The following ERAP2 variants were observed in gnomAD, a reference collection of about 807,000 sequenced individuals.
ERAP2 encodes leukocyte-derived arginine aminopeptidase.
ERAP2 carries 118 observed loss-of-function variants against 111.1 expected under a neutral mutation model. That is an observed-to-expected ratio of 1.06 (90% confidence interval 0.92 to 1.24). ERAP2 has a LOEUF of 1.24. Among genes scored for constraint, ERAP2 ranks in the 50% most tolerant of loss-of-function variants. ERAP2 has a pLI of 0.00. For missense variants in ERAP2, 1,131 were observed against 1,125.8 expected (o/e 1.00, Z -0.07); for synonymous variants, 410 against 401.2 (o/e 1.02, Z -0.26).
At chr5:96,888,747 G>C (rs970125724) in intron 4 of ERAP2, among the ~76,000 whole-genome samples, 4 of 152,184 alleles carry the variant, frequency 2.6e-5, no homozygotes, top group African/African-American at 9.7e-5. Context: ...GCTTGACAGA[G>C]GGCGGATCCA....
At chr5:96,901,731 G>A (rs1016915267) in intron 11 of ERAP2, 50 bp downstream of exon 11, 28 of 1,569,020 alleles carry the variant, frequency 1.8e-5, no homozygotes, top group East Asian at 4.6e-5. Flanking sequence ...CAGTTTCCTC[G>A]TTATTTCCTT....
chr5:96,912,413 T>C (rs902526550), intron 15 of ERAP2, among the ~76,000 whole-genome samples: 2 of 152,148 alleles, frequency 1.3e-5, no homozygotes, highest in Admixed American at 6.5e-5. Flanking sequence ...TTTATGCTTA[T>C]TTTCTTGCTA....
intron 15 of ERAP2, 87 bp from the exon 16 acceptor site, chr5:96,912,550 T>G (rs17487132): frequency 0.049 from 43,744 of 889,100 alleles, 1,313 homozygotes; most frequent in Middle Eastern, 0.096. Context: ...GTTCAGAGAT[T>G]ATTGTGTTAT....
chr5:96,898,565 T>C (rs143364924), intron 9 of ERAP2, among the ~76,000 whole-genome samples: 2,946 of 46,584 alleles, frequency 0.063, 46 homozygotes, highest in Middle Eastern at 0.21. Context: ...CCATCTCTAC[T>C]AAAATACAAA....
At chr5:96,916,764 T>A (rs1301587752) in intron 18 of ERAP2, among the ~76,000 whole-genome samples, 1 of 100,004 alleles carries the variant, frequency 1.0e-5, no homozygotes, top group Non-Finnish European at 2.2e-5. Context: ...CACCAGCCTA[T>A]CTTTTTTTTT....
At chr5:96,891,412 C>T (rs1226178226) in intron 5 of ERAP2, among the ~76,000 whole-genome samples, 4 of 147,792 alleles carry the variant, frequency 2.7e-5, no homozygotes, top group Non-Finnish European at 4.5e-5. Flanking sequence ...CACACATATA[C>T]ATATACACAC....
intron 13 of ERAP2, among the ~76,000 whole-genome samples, chr5:96,906,221 C>G (rs1258331567): frequency 1.3e-5 from 2 of 151,762 alleles, no homozygotes; most frequent in Non-Finnish European, 2.9e-5. Context: ...CCTCCTCTTC[C>G]TTCTCCTCCT....
intron 9 of ERAP2, among the ~76,000 whole-genome samples, chr5:96,897,813 AC>A (rs1202537299): frequency 6.6e-6 from 1 of 152,232 alleles, no homozygotes; most frequent in East Asian, 1.9e-4. Flanking sequence ...GTCATTGTAG[AC>A]AGAAGAGATC....
chr5:96,906,240 T>C (rs115481928), intron 13 of ERAP2, among the ~76,000 whole-genome samples: 2,333 of 151,734 alleles, frequency 0.015, 61 homozygotes, highest in African/African-American at 0.054. Context: ...CTCCTCTTCC[T>C]CTTCCTCTTC....
chr5:96,896,965 T>TAAGTCATCTG, intron 9 of ERAP2, 102 bp downstream of exon 9: 1 of 987,684 alleles, frequency 1.0e-6, no homozygotes. Context: ...GTCAACCATA[T>TAAGTCATCTG]TTATTCTGCT....
intron 3 of ERAP2, 145 bp downstream of exon 3, chr5:96,884,075 T>TATC (rs984535232): frequency 3.3e-6 from 2 of 601,350 alleles, no homozygotes; most frequent in African/African-American, 4.1e-5. Context: ...TCTATCTATC[T>TATC]ATCTATCATC....
chr5:96,896,037 GT>G (rs1332684020), intron 7 of ERAP2, among the ~76,000 whole-genome samples: 1 of 152,152 alleles, frequency 6.6e-6, no homozygotes, highest in Admixed American at 6.5e-5. Flanking sequence ...CCTTGCAGAG[GT>G]GTTGACAGGA....
At chr5:96,895,464 G>A in intron 7 of ERAP2, 105 bp downstream of exon 7, 6 of 819,974 alleles carry the variant, frequency 7.3e-6, no homozygotes, top group Non-Finnish European at 1.2e-5. Context: ...TAATGTTGTG[G>A]TTTTTGAACA....
intron 5 of ERAP2, among the ~76,000 whole-genome samples, chr5:96,889,913 AT>A (rs1784159674): frequency 6.6e-6 from 1 of 152,060 alleles, no homozygotes; most frequent in African/African-American, 2.4e-5. Flanking sequence ...ACCATACCTT[AT>A]TTGTACAAGG....
At chr5:96,888,421 TG>T (rs1156852228) in intron 4 of ERAP2, among the ~76,000 whole-genome samples, 1 of 152,254 alleles carries the variant, frequency 6.6e-6, no homozygotes, top group East Asian at 1.9e-4. Flanking sequence ...TAAATCATTA[TG>T]TGTTTTTATT....
rs1461708940 is a variant in ERAP2 at position 96,883,923 on chromosome 5, T to C, written c.707T>C (p.Met236Thr). 1 of 1,598,900 alleles carries C rather than the reference T, an allele frequency of 6.3e-7. No homozygotes were observed. Among genetic ancestry groups the C allele is most frequent in the Non-Finnish European group, 8.5e-7 (1 of 1,174,584 alleles). Residue 236 changes from methionine to threonine, a missense_variant, in exon 3 of 19, where the codon ATG becomes ACG. By Grantham distance (81) the Met-to-Thr change is moderately conservative (BLOSUM62 -1). This residue lies in a region of ERAP2 where 847 missense variants were observed against 856.5 expected (regional missense o/e 0.99). Coordinates refer to ENST00000437043, the MANE Select transcript of ERAP2 (RefSeq NM_022350.5). ...RESRHIALSNMPKVKTIELEG... is the reference protein window; with the variant it reads ...RESRHIALSNTPKVKTIELEG... ...AGCAGGCATATTGCACTATCCAACA[T>C]GCCAAAGGTATGTCCACTTCCAGAA...
intron 5 of ERAP2, among the ~76,000 whole-genome samples, chr5:96,891,518 C>G (rs1784377080): frequency 3.5e-5 from 1 of 28,762 alleles, no homozygotes. Context: ...TATATATATG[C>G]CCATATACGG....
Position 96,901,596 on chromosome 5 carries a change from G to C in ERAP2, c.1663G>C (p.Asp555His). The change falls in exon 11 of 19, where the codon GAC becomes CAC. Residue 555 changes from aspartate (D) to histidine (H), a missense_variant. Asp to His is a moderately conservative substitution (Grantham distance 81). Transcript: ENST00000437043. ...KGIPLLVVKQ[D>H]GCSLRLQQER... ...AATCCCCCTGCTGGTGGTTAAACAA[G>C]ACGGGTGTTCACTCCGACTGCAACA... is the stretch of plus-strand genomic sequence containing the variant. The C allele has an allele frequency of 6.2e-7, 1 of 1,614,110 alleles. No individual in the cohort carries two copies. Among genetic ancestry groups the C allele is most frequent in the Non-Finnish European group, 8.5e-7 (1 of 1,179,974 alleles).
intron 2 of ERAP2, 89 bp downstream of exon 2, chr5:96,880,349 T>C: frequency 8.3e-7 from 1 of 1,202,084 alleles, no homozygotes; most frequent in Non-Finnish European, 1.2e-6. Flanking sequence ...TCAGCAGCCA[T>C]TTATGAGAAA....
Sources: gnomAD v4.1 joint callset for allele counts (sites outside exome capture counted in the v4.1 genomes callset) on GRCh38, gnomAD v4.1.1 for gene constraint, gnomAD v4.1.1 regional missense constraint, MANE v1.5 for transcripts, NCBI Gene and HGNC (gene_info 2026-07-23, HGNC 2026-07-21) for gene names.